RPL13: variants seen among roughly 807,000 people sequenced by gnomAD.
RPL13 encodes the protein ribosomal protein L13.
A neutral mutation model predicts 21.4 loss-of-function variants in RPL13; 1 was observed. The observed-to-expected ratio is 0.05, with a 90% CI of 0.02 to 0.22. The LOEUF is 0.22. RPL13 is among the 10% of genes least tolerant of loss of function. The pLI is 1.00. For missense variants in RPL13, 289 were observed against 303.0 expected (o/e 0.95, Z 0.34); for synonymous variants, 143 against 120.5 (o/e 1.19, Z -1.23).
In RPL13 at chr16:89,562,619, G is replaced by A. The variant is rs113627038; in HGVS notation, c.477+228G>A. ...TGTTTTGTGTTTTTTTGTTGTTGTT[G>A]GAAAGAGAGTTTCTCTATGCTGCTT... is the stretch of plus-strand genomic sequence containing the variant. On this transcript the variant is annotated intron_variant, in intron 5 of 5. Coordinates refer to ENST00000311528, the MANE Select transcript of RPL13 (RefSeq NM_000977.4). 242 of 585,932 alleles carry A rather than the reference G, an allele frequency of 4.1e-4. 1 individual carries two copies. In the African/African-American group the frequency reaches 4.2e-3, roughly 10 times the overall value. 36.3% of individuals were successfully genotyped at this position (585,932 alleles called of 1,614,324 possible).
chr16:89,566,530 C>T (rs908220687), downstream of RPL13: 5 of 152,024 alleles, frequency 3.3e-5, no homozygotes, highest in South Asian at 2.1e-4. Flanking sequence ...TGGGTGAGGT[C>T]GCTCACGCCT....
chr16:89,561,231 A>G lies in RPL13; in HGVS notation c.109A>G (p.Lys37Glu), dbSNP rs1032669069. 1.6e-5 allele frequency: 25 copies of G among 1,543,252 alleles called. No homozygotes were observed. Among genetic ancestry groups the G allele is most frequent in the Non-Finnish European group, 1.9e-5 (22 of 1,149,440 alleles). ...CGCTGCGCTTCTCTCCACCAGACGTAAGGCCCGGCAAGCCAAGGCGCGCCG... is the reference window on the plus strand; with the variant it reads ...CGCTGCGCTTCTCTCCACCAGACGTGAGGCCCGGCAAGCCAAGGCGCGCCG... ...NQPARKIRRR[K>E]ARQAKARRIA... Residue 37 changes from lysine to glutamate, a missense_variant, in exon 3 of 6, where the codon AAG (lysine) becomes GAG (glutamate). Coordinates refer to ENST00000311528, the MANE Select transcript of RPL13 (RefSeq NM_000977.4).
chr16:89,563,076 C>A lies in RPL13; in HGVS notation c.*34C>A. 1.4e-6 allele frequency: 2 copies of A among 1,465,192 alleles called. No homozygotes were observed. The highest frequency in any genetic ancestry group is 2.8e-5 in the South Asian group (2 of 70,848). 90.8% of individuals were successfully genotyped at this position (1,465,192 alleles called of 1,614,324 possible). A position where few individuals can be genotyped will look rare whatever the true frequency, so the allele number is the denominator to read the frequency against. On this transcript the variant is annotated 3_prime_UTR_variant, in exon 6 of 6. Transcript: ENST00000311528. The stretch of plus-strand genomic sequence containing the variant: ...TGGGGACTTGGAATCAGTCGGCAGT[C>A]ATGCTGGGTCTCCACGTGGTGTGTT...
In RPL13 at chr16:89,564,279, A is replaced by G. The variant is rs554340721; in HGVS notation, c.*1237A>G. The G allele has an allele frequency of 6.6e-6, 1 of 152,260 alleles. No homozygotes were observed. Among genetic ancestry groups the G allele is most frequent in the South Asian group, 2.1e-4 (1 of 4,826 alleles). 9.4% of individuals were successfully genotyped at this position (152,260 alleles called of 1,614,324 possible). On this transcript the variant is annotated 3_prime_UTR_variant, in exon 6 of 6. Coordinates refer to ENST00000311528, the MANE Select transcript of RPL13 (RefSeq NM_000977.4). ...CTGCACTCACAGCCACACTTGATAC[A>G]CGATGACACCTTGCTTGTTTGGAAA...
Position 89,561,736 on chromosome 16 carries a change from G to C in RPL13, c.405G>C (p.Lys135Asn). 6.2e-7 allele frequency: 1 copy of C among 1,613,680 alleles called. No individual in the cohort carries two copies. Among genetic ancestry groups the C allele is most frequent in the Non-Finnish European group, 8.5e-7 (1 of 1,179,942 alleles). Residue 135 changes from lysine (K) to asparagine (N), a missense_variant, in exon 4 of 6, where the codon AAG (lysine) becomes AAC (asparagine). Physicochemically the swap from Lys to Asn is moderately conservative, Grantham distance 94. Transcript: ENST00000311528. ...ILFPRKPSAP[K>N]KGDSSAEELK... Reference sequence around the variant, plus strand: ...TCCCCAGGAAGCCCTCGGCCCCCAAGAAGGGAGACAGTTCTGTGAGTACAC... The same window carrying C: ...TCCCCAGGAAGCCCTCGGCCCCCAACAAGGGAGACAGTTCTGTGAGTACAC...
In RPL13 at chr16:89,560,696, G is replaced by A. The variant is rs1488333763; in HGVS notation, c.-37G>A. ...GGGGCCGCTTCCTTTCCGCTCGGCT[G>A]TTTTCCTGCGCAGGAGGTGAGGGAG... On this transcript the variant is annotated 5_prime_UTR_variant, in exon 1 of 6. Transcript: ENST00000311528. 5 of 411,756 alleles carry A rather than the reference G, an allele frequency of 1.2e-5. No individual in the cohort carries two copies. In the East Asian group the frequency reaches 1.3e-4, roughly 11 times the overall value. The allele number at this position is 411,756 out of a possible 1,614,324, so 25.5% of individuals were successfully genotyped here.
chr16:89,561,123 C>G, intron 2 of RPL13, 60 bp downstream of exon 2: 1 of 1,542,174 alleles, frequency 6.5e-7, no homozygotes, highest in South Asian at 1.2e-5. Flanking sequence ...CCTTGGCTTG[C>G]GGGTGGCCGA....
At position 89,563,193 on chromosome 16, in the gene RPL13, C is replaced by A; in HGVS notation, c.*151C>A. ...GGCTTTCTTGAAAGACAGTCCAAGCCCTGGATAATGCTTTACTTTCTGTGT... is the reference window on the plus strand; with the variant it reads ...GGCTTTCTTGAAAGACAGTCCAAGCACTGGATAATGCTTTACTTTCTGTGT... On this transcript the variant is annotated 3_prime_UTR_variant, in exon 6 of 6. Coordinates refer to ENST00000311528, the MANE Select transcript of RPL13 (RefSeq NM_000977.4). 3.0e-6 allele frequency: 2 copies of A among 671,830 alleles called. No homozygotes were observed. Among genetic ancestry groups the A allele is most frequent in the South Asian group, 3.7e-5 (1 of 26,830 alleles). The allele number at this position is 671,830 out of a possible 1,614,324, so 41.6% of individuals were successfully genotyped here.
downstream of RPL13, chr16:89,565,130 GT>G (rs1363766938): frequency 6.6e-6 from 1 of 152,272 alleles, no homozygotes. Flanking sequence ...CTAACCTTAC[GT>G]TCTCTCCGTT....
chr16:89,565,822 G>T (rs2058784974), downstream of RPL13: 1 of 152,246 alleles, frequency 6.6e-6, no homozygotes, highest in Non-Finnish European at 1.5e-5. Context: ...GAGAGGAAGG[G>T]CCCCCACCGC....
At chr16:89,561,902 T>C in intron 4 of RPL13, 151 bp downstream of exon 4, 1 of 877,364 alleles carries the variant, frequency 1.1e-6, no homozygotes. Flanking sequence ...GGTTCACCTG[T>C]GCGTTTCCGC....
chr16:89,560,900 C>T, intron 1 of RPL13, 40 bp from the exon 2 acceptor site: 1 of 1,477,362 alleles, frequency 6.8e-7, no homozygotes, highest in East Asian at 2.6e-5. Flanking sequence ...GTGCGCGCGC[C>T]CGGGGTCCGG....
Position 89,562,824 on chromosome 16 carries a change from C to T in RPL13, c.478-60C>T, listed in dbSNP as rs910077864. On this transcript the variant is annotated intron_variant, in intron 5 of 5. Coordinates refer to ENST00000311528, the MANE Select transcript of RPL13 (RefSeq NM_000977.4). ...GGAGGTCCTCCAGGTTCTCCTGACG[C>T]TTGGTTGTTCCCTTGCCCTTTGGTG... is the stretch of plus-strand genomic sequence containing the variant. 1.8e-5 allele frequency: 27 copies of T among 1,463,176 alleles called. No homozygotes were observed. The Admixed American group carries it at 6.4e-4, about 35-fold the overall frequency. 90.6% of individuals were successfully genotyped at this position (1,463,176 alleles called of 1,614,324 possible).
At chr16:89,561,516 T>C (rs767406624) in intron 3 of RPL13, 62 bp from the exon 4 acceptor site, 2 of 1,612,534 alleles carry the variant, frequency 1.2e-6, no homozygotes, top group Non-Finnish European at 1.7e-6. Context: ...AGGCTTTTCA[T>C]CCAGGCCTCG....
At chr16:89,560,668 T>G (rs375575770), upstream of RPL13, 58 of 344,122 alleles carry the variant, frequency 1.7e-4, no homozygotes, top group East Asian at 2.3e-3. Flanking sequence ...CAGAGTGCAT[T>G]GCGGGGCCGC....
At chr16:89,562,034 G>T (rs1161529654) in intron 4 of RPL13, 1 of 588,570 alleles carries the variant, frequency 1.7e-6, no homozygotes. Flanking sequence ...TGTAGGATAA[G>T]GTTGATAAAG....
downstream of RPL13, chr16:89,565,361 C>G (rs79830982): frequency 0.015 from 2,252 of 152,850 alleles, 35 homozygotes; most frequent in African/African-American, 0.047. Flanking sequence ...TAGTGCGGCT[C>G]TGCCCTTCCT....
chr16:89,561,147 G>A (rs2058740640), intron 2 of RPL13, 80 bp from the exon 3 acceptor site: 3 of 1,515,540 alleles, frequency 2.0e-6, no homozygotes, highest in South Asian at 2.5e-5. Context: ...CAGGGCGGGG[G>A]GCGCTGTCTG....
In RPL13 at chr16:89,563,788, G is replaced by C. The variant is rs754939245; in HGVS notation, c.*746G>C. The C allele has an allele frequency of 6.6e-6, 1 of 152,086 alleles. No individual in the cohort carries two copies. Among genetic ancestry groups the C allele is most frequent in the African/African-American group, 2.4e-5 (1 of 41,336 alleles). The allele number at this position is 152,086 out of a possible 1,614,324, so 9.4% of individuals were successfully genotyped here. ...AATGTAGCATCTTGGACTTTGGGGCGTCATTCTTAAGCTTGTTGTGCCCGG... is the reference window on the plus strand; with the variant it reads ...AATGTAGCATCTTGGACTTTGGGGCCTCATTCTTAAGCTTGTTGTGCCCGG... On this transcript the variant is annotated 3_prime_UTR_variant, in exon 6 of 6. Transcript: ENST00000311528.
Sources: gnomAD v4.1 joint callset for allele counts on GRCh38, gnomAD v4.1.1 for gene constraint, MANE v1.5 for transcripts, NCBI Gene and HGNC (gene_info 2026-07-23, HGNC 2026-07-21) for gene names.